The following NEBL variants were observed in gnomAD, a reference collection of about 807,000 sequenced individuals.
The protein encoded by NEBL is nebulette.
In NEBL, 122 loss-of-function variants were observed where a neutral mutation model predicts 140.2. The observed-to-expected ratio is 0.87, with a 90% CI of 0.75 to 1.01. The LOEUF (loss-of-function observed/expected upper bound fraction) is 1.01. Among genes scored for constraint, NEBL ranks in the 50% least tolerant of loss-of-function variants. The pLI is 0.00. For synonymous variants in NEBL, 436 were observed against 398.9 expected (o/e 1.09, Z -1.11); for missense variants, 1,365 against 1,231.3 (o/e 1.11, Z -1.62).
chr10:21,244,360 G>T (rs1842488388), intron 3 of NEBL, among the ~76,000 whole-genome samples: 1 of 150,770 alleles, frequency 6.6e-6, no homozygotes, highest in African/African-American at 2.4e-5. Context: ...TTTCAGTAGA[G>T]ACTTGGTTTC....
At chr10:20,994,798 T>C (rs1236956650) in intron 3 of NEBL, among the ~76,000 whole-genome samples, 1 of 152,218 alleles carries the variant, frequency 6.6e-6, no homozygotes, top group African/African-American at 2.4e-5. Flanking sequence ...AAAATACATT[T>C]ACTATTCATT....
At chr10:21,018,229 A>G (rs1471500848) in intron 3 of NEBL, among the ~76,000 whole-genome samples, 3 of 152,214 alleles carry the variant, frequency 2.0e-5, no homozygotes, top group South Asian at 4.1e-4. Context: ...GGGAAGAGAA[A>G]CTAATTTTAA....
intron 4 of NEBL, among the ~76,000 whole-genome samples, chr10:20,912,698 G>A (rs919031129): frequency 6.6e-6 from 1 of 151,872 alleles, no homozygotes; most frequent in Admixed American, 6.6e-5. Context: ...TTTCTGTATT[G>A]GATTTGTATG....
At chr10:20,869,901 G>C in intron 5 of NEBL, 60 bp from the exon 6 acceptor site, 1 of 1,055,756 alleles carries the variant, frequency 9.5e-7, no homozygotes, top group Non-Finnish European at 1.5e-6. Flanking sequence ...ATAGCTACTA[G>C]TCTTAGTGTT....
intron 26 of NEBL, among the ~76,000 whole-genome samples, chr10:20,791,606 C>T (rs1401939287): frequency 6.6e-6 from 1 of 151,822 alleles, no homozygotes; most frequent in East Asian, 1.9e-4. Context: ...CATTGCCCAA[C>T]CTAGTCTCAA....
At chr10:21,170,086 G>A (rs1360135565) in intron 2 of NEBL, among the ~76,000 whole-genome samples, 1 of 152,148 alleles carries the variant, frequency 6.6e-6, no homozygotes, top group Non-Finnish European at 1.5e-5. Context: ...CTCGAACTAA[G>A]CAATAAGCAC....
chr10:20,841,940 T>C (rs1841444506), intron 12 of NEBL, among the ~76,000 whole-genome samples: 1 of 152,130 alleles, frequency 6.6e-6, no homozygotes, highest in Admixed American at 6.6e-5. Context: ...CCAAATGCCT[T>C]CTATGAATAC....
At chr10:20,807,440 T>C (rs1220511340) in intron 26 of NEBL, among the ~76,000 whole-genome samples, 1 of 152,246 alleles carries the variant, frequency 6.6e-6, no homozygotes, top group East Asian at 1.9e-4. Context: ...AATGATTTCA[T>C]TAGTTACACA....
At chr10:21,039,045 CT>C (rs1834135914) in intron 2 of NEBL, among the ~76,000 whole-genome samples, 1 of 139,124 alleles carries the variant, frequency 7.2e-6, no homozygotes, top group Non-Finnish European at 1.5e-5. Context: ...CCTTCGTCCA[CT>C]TTTTGATGGG....
intron 1 of NEBL, among the ~76,000 whole-genome samples, chr10:21,272,579 A>G (rs1842872984): frequency 6.6e-6 from 1 of 152,152 alleles, no homozygotes; most frequent in African/African-American, 2.4e-5. Context: ...GCAGAGCAAG[A>G]CCATGTCAAA....
In NEBL at chr10:20,787,299, A is replaced by C; in HGVS notation, c.2771T>G (p.Leu924Arg). 1.2e-6 allele frequency: 2 copies of C among 1,612,582 alleles called. No homozygotes were observed. The highest frequency in any genetic ancestry group is 1.7e-6 in the Non-Finnish European group (2 of 1,179,058). ...TRPSDEGAPV[L>R]PGAYQQSHSQ... ...ATGGCTTTGCTGATAGGCTCCGGGA[A>C]GAACAGGTGCTGCATGTTAAACATA... The change falls in exon 27 of 28, where the codon CTT becomes CGT. Residue 924 changes from leucine to arginine, a missense_variant. Physicochemically the swap from Leu to Arg is moderately radical, Grantham distance 102. Around this residue, in one of 2 missense-constraint regions of NEBL, gnomAD observed 1,323 missense variants for 1,154.8 expected, o/e 1.15. Transcript: ENST00000377122.
intron 2 of NEBL, among the ~76,000 whole-genome samples, chr10:21,103,407 G>T (rs1837566133): frequency 6.6e-6 from 1 of 152,108 alleles, no homozygotes; most frequent in Non-Finnish European, 1.5e-5. Context: ...TAGAGATGGG[G>T]TTTCACCATG....
chr10:21,141,230 C>A (rs78795009), intron 2 of NEBL, among the ~76,000 whole-genome samples: 11 of 152,022 alleles, frequency 7.2e-5, no homozygotes, highest in Non-Finnish European at 1.3e-4. Flanking sequence ...GAAATCTGAA[C>A]GAGGTCTGTA....
chr10:20,893,773 G>C (rs1218105048), intron 2 of NEBL, among the ~76,000 whole-genome samples: 1 of 152,138 alleles, frequency 6.6e-6, no homozygotes, highest in Non-Finnish European at 1.5e-5. Flanking sequence ...TTCTCAAAGG[G>C]CCAGGCAAGA....
intron 3 of NEBL, among the ~76,000 whole-genome samples, chr10:21,210,127 C>T (rs957156968): frequency 5.3e-5 from 8 of 152,130 alleles, no homozygotes; most frequent in African/African-American, 1.7e-4. Context: ...CATGGTGGCT[C>T]ACACCTCTAA....
At chr10:20,973,299 T>G (rs1589095107) in intron 3 of NEBL, among the ~76,000 whole-genome samples, 1 of 151,288 alleles carries the variant, frequency 6.6e-6, no homozygotes, top group Non-Finnish European at 1.5e-5. Context: ...CAGGATGGAG[T>G]GCAGTGGCAT....
intron 2 of NEBL, among the ~76,000 whole-genome samples, chr10:21,148,621 G>C (rs370831174): frequency 6.6e-6 from 1 of 152,084 alleles, no homozygotes; most frequent in Non-Finnish European, 1.5e-5. Flanking sequence ...CACCTCCTGC[G>C]TGGAAGCGAT....
intron 3 of NEBL, among the ~76,000 whole-genome samples, chr10:21,014,356 C>T (rs1353710719): frequency 1.3e-5 from 2 of 152,114 alleles, no homozygotes; most frequent in African/African-American, 2.4e-5. Context: ...GTAAGGGCCT[C>T]ATCTGGTTTC....
intron 3 of NEBL, among the ~76,000 whole-genome samples, chr10:21,004,466 A>T (rs1282464268): frequency 1.3e-5 from 2 of 152,148 alleles, no homozygotes; most frequent in Non-Finnish European, 2.9e-5. Flanking sequence ...CACGCCTGTA[A>T]TCCCAGTACT....
Sources: allele counts gnomAD v4.1 joint callset (sites outside exome capture counted in the v4.1 genomes callset), GRCh38; gene constraint gnomAD v4.1.1; regional missense constraint gnomAD v4.1.1; transcripts MANE v1.5; gene names NCBI Gene and HGNC (gene_info 2026-07-23, HGNC 2026-07-21).